Variants in LIMD2 observed in about 807,000 individuals in gnomAD.
LIMD2 encodes LIM domain-containing protein 2.
Under a neutral mutation model 16.0 loss-of-function variants are expected in LIMD2, and 11 were observed. The ratio of observed to expected loss-of-function variants is 0.69; its 90% CI spans 0.43 to 1.14. LIMD2 has a LOEUF of 1.14. LIMD2 is among the 50% of genes most tolerant of loss of function. LIMD2 has a pLI of 0.00. For missense variants in LIMD2, 168 were observed against 165.8 expected, an observed-to-expected ratio of 1.01 and a Z score of -0.07; for synonymous variants, 60 against 67.1, an observed-to-expected ratio of 0.89 and a Z score of 0.52.
At chr17:63,699,109 A>G (rs749967532) in intron 2 of LIMD2, 40 bp from the exon 3 acceptor site, 1 of 1,585,886 alleles carries the variant, frequency 6.3e-7, no homozygotes, top group Non-Finnish European at 8.6e-7. Flanking sequence ...CAGCTCCGGG[A>G]GGCCCTGGAT....
Position 63,698,779 on chromosome 17 carries a change from C to T in LIMD2, c.224+20G>A, listed in dbSNP as rs940360883. 2 of 926,528 alleles carry T rather than the reference C, an allele frequency of 2.2e-6. No homozygotes were observed. The highest frequency in any genetic ancestry group is 4.2e-5 in the East Asian group (1 of 23,706). 57.4% of individuals were successfully genotyped at this position (926,528 alleles called of 1,614,324 possible). On this transcript the variant is annotated intron_variant, in intron 4 of 4. Coordinates refer to ENST00000259006, the MANE Select transcript of LIMD2 (RefSeq NM_030576.4). ...GCTGGGTTGGCAGGCGAGGCGGGGG[C>T]GGGCAGGGCAGGGGCGCACCTGAGC...
rs2035696404 is a variant in LIMD2 at position 63,696,544 on chromosome 17, AT to A, written c.*2007del. The A allele has an allele frequency of 6.6e-6, 1 of 152,248 alleles. No homozygotes were observed. The highest frequency in any genetic ancestry group is 6.6e-5 in the Admixed American group (1 of 15,266). 9.4% of individuals were successfully genotyped at this position (152,248 alleles called of 1,614,324 possible). On this transcript the variant is annotated 3_prime_UTR_variant, in exon 5 of 5. Transcript: ENST00000259006. Reference sequence around the variant, plus strand: ...CACTGGGGTGGTCCCAACAGGGCTGATTTACCAGGGTGGCACTGCTGGCCCT... The same window carrying A: ...CACTGGGGTGGTCCCAACAGGGCTGATTACCAGGGTGGCACTGCTGGCCCT...
At chr17:63,700,299 CCCCCGCCCCGGCT>C, upstream of LIMD2, 1 of 382,494 alleles carries the variant, frequency 2.6e-6, no homozygotes, top group Non-Finnish European at 3.6e-6. This position sits in a 1 kb window ranked among gnomAD's most constrained non-coding sequence, Gnocchi z 7.1. Flanking sequence ...CTTTGTCTGT[CCCCCGCCCCGGCT>C]CCGCGCTCCC....
intron 1 of LIMD2, chr17:63,699,785 CG>C: frequency 2.0e-6 from 1 of 498,656 alleles, no homozygotes; most frequent in Non-Finnish European, 2.6e-6. Context: ...CCGCCCGCCC[CG>C]CCCCTCGGCC....
chr17:63,697,102 C>T lies in LIMD2; in HGVS notation c.*1450G>A, dbSNP rs1347954862. On this transcript the variant is annotated 3_prime_UTR_variant, in exon 5 of 5. Transcript: ENST00000259006. ...ACAACCCAGACTTCTGCCTGTGTCCCACCGGGGCGCCCTCAGGTCCTCCCA... is the reference window on the plus strand; with the variant it reads ...ACAACCCAGACTTCTGCCTGTGTCCTACCGGGGCGCCCTCAGGTCCTCCCA... 2 of 152,302 alleles carry T rather than the reference C, an allele frequency of 1.3e-5. No individual in the cohort carries two copies. Among genetic ancestry groups the T allele is most frequent in the Non-Finnish European group, 1.5e-5 (1 of 68,112 alleles). 9.4% of individuals were successfully genotyped at this position (152,302 alleles called of 1,614,324 possible). A position where few individuals can be genotyped will look rare whatever the true frequency, so the allele number is the denominator to read the frequency against.
chr17:63,699,250 C>A lies in LIMD2; in HGVS notation c.42+7G>T. 1 of 1,611,740 alleles carries A rather than the reference C, an allele frequency of 6.2e-7. No homozygotes were observed. Among genetic ancestry groups the A allele is most frequent in the Non-Finnish European group, 8.5e-7 (1 of 1,179,536 alleles). ...CGGGGGGCCCTCCCACCCAGCCGGG[C>A]ACTTACATGAGAGGGGGTGGCCTGG... On this transcript the variant is annotated splice_region_variant and intron_variant, in intron 2 of 4. Coordinates refer to ENST00000259006, the MANE Select transcript of LIMD2 (RefSeq NM_030576.4).
chr17:63,699,110 G>T (rs908830096), intron 2 of LIMD2, 41 bp from the exon 3 acceptor site: 1 of 1,585,148 alleles, frequency 6.3e-7, no homozygotes. Flanking sequence ...AGCTCCGGGA[G>T]GCCCTGGATC....
chr17:63,697,512 C>T lies in LIMD2; in HGVS notation c.*1040G>A, dbSNP rs960306281. ...CCACTGGCAGCCTGGCCCTCCCGCT[C>T]TCAGGCCTCTTCACAATGGGGTGCA... On this transcript the variant is annotated 3_prime_UTR_variant, in exon 5 of 5. Transcript: ENST00000259006. The T allele has an allele frequency of 6.6e-6, 1 of 152,174 alleles. No homozygotes were observed. Among genetic ancestry groups the T allele is most frequent in the African/African-American group, 2.4e-5 (1 of 41,418 alleles). The allele number at this position is 152,174 out of a possible 1,614,324, so 9.4% of individuals were successfully genotyped here.
chr17:63,700,303 C>CA, upstream of LIMD2: 1 of 362,866 alleles, frequency 2.8e-6, no homozygotes. This position sits in a 1 kb window ranked among gnomAD's most constrained non-coding sequence, Gnocchi z 7.1. Context: ...GTCTGTCCCC[C>CA]GCCCCGGCTC....
intron 1 of LIMD2, chr17:63,699,595 T>G: frequency 2.8e-6 from 1 of 357,938 alleles, no homozygotes; most frequent in Non-Finnish European, 4.9e-6. Context: ...GGCCGGGGGC[T>G]CCCGCGCAGC....
At chr17:63,700,219 C>T, upstream of LIMD2, 1 of 953,730 alleles carries the variant, frequency 1.0e-6, no homozygotes. The surrounding 1 kb of genome is among the most constrained non-coding windows in gnomAD (Gnocchi z 7.1). Flanking sequence ...CGCCCGGAGC[C>T]GCCTTCGGGG....
At chr17:63,698,740 C>G (rs2035733517) in intron 4 of LIMD2, 29 bp from the exon 5 acceptor site, 1 of 1,611,952 alleles carries the variant, frequency 6.2e-7, no homozygotes, top group Non-Finnish European at 8.5e-7. Flanking sequence ...GGCGTCAGGT[C>G]AGGTCAGGTC....
At chr17:63,698,984 T>C in intron 3 of LIMD2, 44 bp downstream of exon 3, 1 of 1,610,724 alleles carries the variant, frequency 6.2e-7, no homozygotes, top group South Asian at 1.1e-5. Flanking sequence ...CTCATCCCGC[T>C]CCCTCACACC....
Position 63,699,044 on chromosome 17 carries a change from G to GTGC in LIMD2, c.65_67dup (p.Ser22dup), listed in dbSNP as rs547586490. On this transcript the variant is annotated inframe_insertion, in exon 3 of 5. Transcript: ENST00000259006. Reference sequence around the variant, plus strand: ...GGCCCCTACCTTGGAGCGCTGCACCGTGCTGCTGCCGCCGCCTTTGGCGTC... The same window carrying GTGC: ...GGCCCCTACCTTGGAGCGCTGCACCGTGCTGCTGCTGCCGCCGCCTTTGGCGTC... The GTGC allele has an allele frequency of 2.1e-5, 33 of 1,608,060 alleles. No individual in the cohort carries two copies. In the South Asian group the frequency reaches 3.3e-4, roughly 16 times the overall value.
Position 63,700,072 on chromosome 17 carries a change from G to A in LIMD2, c.-91C>T, listed in dbSNP as rs1461366367. 3.0e-6 allele frequency: 3 copies of A among 984,590 alleles called. No homozygotes were observed. Among genetic ancestry groups the A allele is most frequent in the East Asian group, 1.1e-4 (1 of 8,746 alleles). 61.0% of individuals were successfully genotyped at this position (984,590 alleles called of 1,614,324 possible). ...CCGCGGGGCGGGATCGGTCTCCGGG[G>A]GCGCACGGGTACGAGGAGGGCGCGG... On this transcript the variant is annotated 5_prime_UTR_variant, in exon 1 of 5. Transcript: ENST00000259006. This position sits in a 1 kb window ranked among gnomAD's most constrained non-coding sequence, Gnocchi z 7.1.
In LIMD2 at chr17:63,698,512, T is replaced by C. The variant is rs1311444625; in HGVS notation, c.*40A>G. The stretch of plus-strand genomic sequence containing the variant: ...TCCTTCCCACCTTCCCCCTGCCGGC[T>C]CCAGGCCTTCCGCAGAGGGGGTGGA... On this transcript the variant is annotated 3_prime_UTR_variant, in exon 5 of 5. Transcript: ENST00000259006. The C allele has an allele frequency of 6.2e-7, 1 of 1,604,552 alleles. No individual in the cohort carries two copies. The highest frequency in any genetic ancestry group is 8.5e-7 in the Non-Finnish European group (1 of 1,176,014).
At chr17:63,699,221 TGTCCG>T in intron 2 of LIMD2, 31 bp downstream of exon 2, 1 of 1,609,504 alleles carries the variant, frequency 6.2e-7, no homozygotes, top group Non-Finnish European at 8.5e-7. Context: ...GCCAGGCTCC[TGTCCG>T]GGGGGCCCTC....
In LIMD2 at chr17:63,698,435, G is replaced by A. The variant is rs1364896623; in HGVS notation, c.*117C>T. 5.5e-5 allele frequency: 66 copies of A among 1,206,258 alleles called. No homozygotes were observed. Among genetic ancestry groups the A allele is most frequent in the Non-Finnish European group, 6.8e-5 (59 of 873,322 alleles). The allele number at this position is 1,206,258 out of a possible 1,614,324, so 74.7% of individuals were successfully genotyped here. ...AGCCCTGCCCTGGTCCCCTACGCCT[G>A]AGCAAGCCTCATCCCCTTCCCACCT... On this transcript the variant is annotated 3_prime_UTR_variant, in exon 5 of 5. Transcript: ENST00000259006.
In LIMD2 at chr17:63,698,237, G is replaced by C. The variant is rs1280150521; in HGVS notation, c.*315C>G. 23 of 367,652 alleles carry C rather than the reference G, an allele frequency of 6.3e-5. No individual in the cohort carries two copies. Among genetic ancestry groups the C allele is most frequent in the Non-Finnish European group, 1.1e-4 (21 of 197,660 alleles). 22.8% of individuals were successfully genotyped at this position (367,652 alleles called of 1,614,324 possible). A position where few individuals can be genotyped will look rare whatever the true frequency, so the allele number is the denominator to read the frequency against. ...GGGGGCATGCTGACTCCTTGCTGGA[G>C]AAAAGGCACCTAGATAGGGGAGCTG... is the stretch of plus-strand genomic sequence containing the variant. On this transcript the variant is annotated 3_prime_UTR_variant, in exon 5 of 5. Coordinates refer to ENST00000259006, the MANE Select transcript of LIMD2 (RefSeq NM_030576.4).
Sources: gnomAD v4.1 joint callset for allele counts on GRCh38, gnomAD v4.1.1 for gene constraint, Gnocchi (gnomAD v3.1) non-coding constraint, MANE v1.5 for transcripts, NCBI Gene and HGNC (gene_info 2026-07-23, HGNC 2026-07-21) for gene names.